DIP2B: variants seen among roughly 807,000 people sequenced by gnomAD.
DIP2B encodes the protein DIP2 acetate--CoA ligase B (putative).
Under a neutral mutation model 198.0 loss-of-function variants are expected in DIP2B, and 76 were observed. That is an observed-to-expected ratio of 0.38 (90% confidence interval 0.32 to 0.46). The LOEUF (loss-of-function observed/expected upper bound fraction) is 0.46. Among genes scored for constraint, DIP2B ranks in the 20% least tolerant of loss-of-function variants. The probability of loss-of-function intolerance (pLI) is 0.99; values close to 1 mark genes in which losing one functional copy is unlikely to be tolerated. For synonymous variants in DIP2B, 701 were observed against 739.1 expected (o/e 0.95, Z 0.84); for missense variants, 1,559 against 1,978.4 (o/e 0.79, Z 4.02).
In DIP2B at chr12:50,512,362, C is replaced by A. The variant is rs1258309102; in HGVS notation, c.100+7122C>A. On this transcript the variant is annotated intron_variant, in intron 1 of 37. Coordinates refer to ENST00000301180, the MANE Select transcript of DIP2B (RefSeq NM_173602.3). Reference sequence around the variant, plus strand: ...CCTCCGGTGATCTGCCCGCATCGGCCTCCCAGAGTCCCGGGATTACAGGCT... The same window carrying A: ...CCTCCGGTGATCTGCCCGCATCGGCATCCCAGAGTCCCGGGATTACAGGCT... Among the ~76,000 whole-genome samples, 205 of 152,234 alleles carry A rather than the reference C, an allele frequency of 1.3e-3. 4 individuals are homozygous for A. Among genetic ancestry groups the A allele is most frequent in the East Asian group, 7.7e-3 (40 of 5,174 alleles).
intron 2 of DIP2B, 24 bp from the exon 3 acceptor site, chr12:50,640,700 C>G: frequency 6.2e-7 from 1 of 1,609,986 alleles, no homozygotes; most frequent in Non-Finnish European, 8.5e-7. Flanking sequence ...ACTGGATAAC[C>G]ATCTTTTAAA....
chr12:50,625,883 A>C, intron 1 of DIP2B, 93 bp from the exon 2 acceptor site: 1 of 1,284,348 alleles, frequency 7.8e-7, no homozygotes, highest in Non-Finnish European at 1.1e-6. Flanking sequence ...TATATGGGGT[A>C]GTTCTATAAC....
At chr12:50,550,800 A>G (rs1258830015) in intron 1 of DIP2B, among the ~76,000 whole-genome samples, 1 of 152,198 alleles carries the variant, frequency 6.6e-6, no homozygotes, top group East Asian at 1.9e-4. Flanking sequence ...AATTCCATTC[A>G]GCTACAGATT....
At chr12:50,607,288 T>C (rs546484267) in intron 1 of DIP2B, among the ~76,000 whole-genome samples, 2 of 151,982 alleles carry the variant, frequency 1.3e-5, no homozygotes, top group Non-Finnish European at 2.9e-5. Context: ...ATTTTACAGA[T>C]AGAAAAAAAC....
At chr12:50,536,271 G>GCATACATACATACATACATA (rs55888934) in intron 1 of DIP2B, among the ~76,000 whole-genome samples, 50 of 148,080 alleles carry the variant, frequency 3.4e-4, no homozygotes, top group East Asian at 1.4e-3. Context: ...CTAAATACGT[G>GCATACATACATACATACATA]CATACATACA....
At chr12:50,659,995 A>T (rs1565861792) in intron 3 of DIP2B, among the ~76,000 whole-genome samples, 199 bp from the exon 4 acceptor site, 2 of 151,902 alleles carry the variant, frequency 1.3e-5, no homozygotes, top group Non-Finnish European at 2.9e-5. Flanking sequence ...CCTCCGTAAA[A>T]TTATCCCTGG....
At chr12:50,654,820 T>G (rs965730365) in intron 3 of DIP2B, among the ~76,000 whole-genome samples, 1 of 152,140 alleles carries the variant, frequency 6.6e-6, no homozygotes, top group African/African-American at 2.4e-5. Context: ...AAAACTATAC[T>G]AGGATATGAA....
intron 1 of DIP2B, among the ~76,000 whole-genome samples, chr12:50,609,825 T>A (rs984227127): frequency 6.6e-6 from 1 of 152,224 alleles, no homozygotes; most frequent in Admixed American, 6.5e-5. Flanking sequence ...GTTGTCTTTT[T>A]TTCTTTTACG....
chr12:50,678,118 T>C (rs1357271272), intron 7 of DIP2B, among the ~76,000 whole-genome samples: 1 of 150,064 alleles, frequency 6.7e-6, no homozygotes, highest in Admixed American at 6.7e-5. Context: ...TCTGGAGACA[T>C]GGGATATTGT....
chr12:50,615,281 A>G (rs947479966), intron 1 of DIP2B, among the ~76,000 whole-genome samples: 6 of 152,188 alleles, frequency 3.9e-5, no homozygotes, highest in Non-Finnish European at 7.4e-5. Context: ...TTTTTCTAGA[A>G]GTTTGGCAAC....
chr12:50,683,294 C>T lies in DIP2B; in HGVS notation c.1317+46C>T, dbSNP rs551646820. 12 of 1,507,682 alleles carry T rather than the reference C, an allele frequency of 8.0e-6. No individual in the cohort carries two copies. The African/African-American group carries it at 1.1e-4, about 14-fold the overall frequency. The allele number at this position is 1,507,682 out of a possible 1,614,324, so 93.4% of individuals were successfully genotyped here. A position where few individuals can be genotyped will look rare whatever the true frequency, so the allele number is the denominator to read the frequency against. ...AGGAATGTAGCCTGATGTGACATGGCAGGCATTGGGTTCTTGGATAGATGT... is the reference window on the plus strand; with the variant it reads ...AGGAATGTAGCCTGATGTGACATGGTAGGCATTGGGTTCTTGGATAGATGT... On this transcript the variant is annotated intron_variant, in intron 10 of 37. Coordinates refer to ENST00000301180, the MANE Select transcript of DIP2B (RefSeq NM_173602.3).
At chr12:50,693,686 G>A (rs1939258126) in intron 14 of DIP2B, among the ~76,000 whole-genome samples, 1 of 152,268 alleles carries the variant, frequency 6.6e-6, no homozygotes, top group East Asian at 1.9e-4. Flanking sequence ...TTTATCAGAA[G>A]TTAAAAATCC....
chr12:50,571,120 A>G (rs1235043462), intron 1 of DIP2B, among the ~76,000 whole-genome samples: 1 of 150,134 alleles, frequency 6.7e-6, no homozygotes, highest in Non-Finnish European at 1.5e-5. Flanking sequence ...TTGGGGAAGG[A>G]TGGGGTAGTA....
intron 1 of DIP2B, among the ~76,000 whole-genome samples, chr12:50,611,975 G>C (rs1289980769): frequency 6.7e-6 from 1 of 150,346 alleles, no homozygotes; most frequent in Non-Finnish European, 1.5e-5. Flanking sequence ...AAGGCAGGAA[G>C]ATTGCTTGAA....
chr12:50,661,131 A>G (rs903561963), intron 4 of DIP2B, among the ~76,000 whole-genome samples: 1 of 151,994 alleles, frequency 6.6e-6, no homozygotes, highest in Admixed American at 6.6e-5. Context: ...CTCGAAAAAA[A>G]TTTTTTTTAG....
chr12:50,605,446 C>A (rs1565842314), intron 1 of DIP2B, among the ~76,000 whole-genome samples: 4 of 152,102 alleles, frequency 2.6e-5, no homozygotes, highest in African/African-American at 9.7e-5. Flanking sequence ...TGTCCGTAGT[C>A]CCGCTACTGG....
At chr12:50,611,411 T>C (rs1242246985) in intron 1 of DIP2B, among the ~76,000 whole-genome samples, 2 of 152,224 alleles carry the variant, frequency 1.3e-5, no homozygotes, top group Non-Finnish European at 2.9e-5. Context: ...CTTGAGCCTC[T>C]ATTCCTAAGA....
chr12:50,532,952 T>G (rs1405420997), intron 1 of DIP2B, among the ~76,000 whole-genome samples: 1 of 152,232 alleles, frequency 6.6e-6, no homozygotes, highest in Non-Finnish European at 1.5e-5. Context: ...GGCTGGTTTT[T>G]CAGTGATCTA....
intron 10 of DIP2B, 148 bp from the exon 11 acceptor site, chr12:50,685,685 T>C (rs746503594): frequency 1.9e-4 from 160 of 843,660 alleles, no homozygotes; most frequent in Admixed American, 4.8e-4. Flanking sequence ...AAGAACACAT[T>C]GTGATTGGAT....
Sources: allele counts gnomAD v4.1 joint callset (sites outside exome capture counted in the v4.1 genomes callset), GRCh38; gene constraint gnomAD v4.1.1; transcripts MANE v1.5; gene names NCBI Gene and HGNC (gene_info 2026-07-23, HGNC 2026-07-21).